CFAP54: variants seen among roughly 807,000 people sequenced by gnomAD.
CFAP54 encodes cilia- and flagella-associated protein 54.
CFAP54 carries 290 observed loss-of-function variants against 370.4 expected under a neutral mutation model. That is an observed-to-expected ratio of 0.78 (90% CI 0.71 to 0.86). CFAP54 has a LOEUF of 0.86. Ranked by LOEUF, CFAP54 falls within the 40% of genes least tolerant of loss-of-function variation. The pLI is 0.00. For missense variants in CFAP54, 3,399 were observed against 3,528.7 expected (o/e 0.96, Z 0.93); for synonymous variants, 1,206 against 1,236.5 (o/e 0.98, Z 0.52).
chr12:96,591,241 G>A (rs1412236007), intron 23 of CFAP54, among the ~76,000 whole-genome samples: 2 of 152,160 alleles, frequency 1.3e-5, no homozygotes, highest in Non-Finnish European at 2.9e-5. Flanking sequence ...AGAGGGTTGA[G>A]TAGAACACAA....
chr12:96,587,742 A>G (rs1956087600), intron 22 of CFAP54, among the ~76,000 whole-genome samples: 1 of 152,186 alleles, frequency 6.6e-6, no homozygotes, highest in South Asian at 2.1e-4. Flanking sequence ...CACATCATCT[A>G]TTGCTTACAC....
In CFAP54 at chr12:96,535,489, C is replaced by A. The variant is rs939952396; in HGVS notation, c.1706-26C>A. 5.6e-6 allele frequency: 8 copies of A among 1,434,820 alleles called. No homozygotes were observed. The Admixed American group carries it at 1.6e-4, about 28-fold the overall frequency. 88.9% of individuals were successfully genotyped at this position (1,434,820 alleles called of 1,614,324 possible). A position where few individuals can be genotyped will look rare whatever the true frequency, so the allele number is the denominator to read the frequency against. The stretch of plus-strand genomic sequence containing the variant: ...AATTTTGTAAGTGATTTTTTTGTTT[C>A]ATTTTCCTCTACTTTATGAACTTAG... On this transcript the variant is annotated intron_variant, in intron 11 of 67. Transcript: ENST00000524981.
chr12:96,678,073 T>G (rs1000827205), intron 39 of CFAP54, among the ~76,000 whole-genome samples: 3 of 152,058 alleles, frequency 2.0e-5, no homozygotes, highest in Admixed American at 1.3e-4. Flanking sequence ...GGCACTGGAC[T>G]TGAACACCGG....
At chr12:96,520,073 G>T (rs1955286868) in intron 6 of CFAP54, among the ~76,000 whole-genome samples, 2 of 152,104 alleles carry the variant, frequency 1.3e-5, no homozygotes. Context: ...TGTTGCCCAG[G>T]CTGGAGTGCA....
In CFAP54 at chr12:96,830,723, G is replaced by C. The variant is rs139803927; in HGVS notation, c.9171+1635G>C. On this transcript the variant is annotated intron_variant, in intron 66 of 67. Transcript: ENST00000524981. ...AGATGGAATCTTGCTCTGTCACCCA[G>C]GCTGGAGTGCAGTGGTGTGATCTTG... 4.9e-3 allele frequency among the ~76,000 whole-genome samples: 741 copies of C among 152,190 alleles called. 4 individuals are homozygous for C. Among genetic ancestry groups the C allele is most frequent in the African/African-American group, 0.017 (700 of 41,514 alleles).
chr12:96,827,047 TTATATGTGATTATATATAATATGCAATTA>T (rs1959124850), intron 65 of CFAP54, among the ~76,000 whole-genome samples: 1 of 139,228 alleles, frequency 7.2e-6, no homozygotes, highest in South Asian at 2.2e-4. Flanking sequence ...TAATATGCAA[TTATATGTGATTATATATAATATGCAATTA>T]TATGTGATTA....
At chr12:96,491,433 T>C (rs751435168) in intron 1 of CFAP54, among the ~76,000 whole-genome samples, 4 of 152,198 alleles carry the variant, frequency 2.6e-5, no homozygotes, top group Non-Finnish European at 5.9e-5. Context: ...AGATGAGATA[T>C]ACATTTGGGA....
chr12:96,577,547 A>G (rs560732804), intron 20 of CFAP54, among the ~76,000 whole-genome samples: 5 of 152,268 alleles, frequency 3.3e-5, no homozygotes, highest in African/African-American at 1.2e-4. Flanking sequence ...TAGAGAGAAC[A>G]TAGGCTTTGG....
At chr12:96,664,991 C>A (rs1957062200) in intron 39 of CFAP54, among the ~76,000 whole-genome samples, 1 of 151,442 alleles carries the variant, frequency 6.6e-6, no homozygotes, top group Non-Finnish European at 1.5e-5. Flanking sequence ...TGTTTTTTTA[C>A]TTTTTACTAG....
chr12:96,786,314 G>A (rs1470782389), intron 61 of CFAP54, among the ~76,000 whole-genome samples: 9 of 151,472 alleles, frequency 5.9e-5, no homozygotes, highest in Admixed American at 4.6e-4. Flanking sequence ...CTGAGTAGCT[G>A]GGATTACAGG....
intron 34 of CFAP54, 34 bp downstream of exon 34, chr12:96,648,051 C>G: frequency 1.4e-6 from 2 of 1,448,048 alleles, no homozygotes; most frequent in East Asian, 5.1e-5. Flanking sequence ...TATTAAATTA[C>G]CTCTAGATTT....
At chr12:96,553,451 G>A (rs1034556210) in intron 15 of CFAP54, among the ~76,000 whole-genome samples, 3 of 149,530 alleles carry the variant, frequency 2.0e-5, no homozygotes, top group Admixed American at 6.7e-5. Flanking sequence ...GCAGAGAAGA[G>A]GAGTGGCACT....
At chr12:96,760,579 C>G (rs984733909) in intron 58 of CFAP54, among the ~76,000 whole-genome samples, 2 of 152,220 alleles carry the variant, frequency 1.3e-5, no homozygotes, top group Non-Finnish European at 2.9e-5. Flanking sequence ...GATGCCTAGA[C>G]TGGAGTGCAG....
intron 46 of CFAP54, 73 bp from the exon 47 acceptor site, chr12:96,704,670 C>T (rs1168002436): frequency 3.8e-6 from 2 of 533,266 alleles, no homozygotes; most frequent in Admixed American, 4.0e-5. Flanking sequence ...AATTTTAGAA[C>T]ACATTAAATG....
At chr12:96,837,688 A>C (rs1278693284) in intron 66 of CFAP54, among the ~76,000 whole-genome samples, 1 of 152,216 alleles carries the variant, frequency 6.6e-6, no homozygotes, top group Non-Finnish European at 1.5e-5. Flanking sequence ...CCTGGGCTGC[A>C]GTTCTAGTCC....
At chr12:96,706,395 G>A (rs4561250) in intron 47 of CFAP54, among the ~76,000 whole-genome samples, 77,399 of 151,722 alleles carry the variant, frequency 0.51, 20,323 homozygotes, top group East Asian at 0.77. Flanking sequence ...AAAGGTGCAA[G>A]TCATATGAAA....
intron 60 of CFAP54, among the ~76,000 whole-genome samples, chr12:96,772,318 G>T (rs190936437): frequency 1.4e-3 from 207 of 152,210 alleles, no homozygotes; most frequent in African/African-American, 4.8e-3. Context: ...GCTAATTCAG[G>T]TGTCACCAGG....
intron 65 of CFAP54, among the ~76,000 whole-genome samples, chr12:96,822,705 A>C (rs1439825323): frequency 1.3e-5 from 2 of 152,118 alleles, no homozygotes; most frequent in African/African-American, 4.8e-5. Context: ...AAATAATCTA[A>C]ATCTTTCCTG....
At chr12:96,746,203 C>G (rs1380394345) in intron 55 of CFAP54, among the ~76,000 whole-genome samples, 1 of 152,130 alleles carries the variant, frequency 6.6e-6, no homozygotes, top group Non-Finnish European at 1.5e-5. Context: ...CTCTCCTTCC[C>G]TCAGTTTGTA....
Sources: allele counts gnomAD v4.1 joint callset (sites outside exome capture counted in the v4.1 genomes callset), GRCh38; gene constraint gnomAD v4.1.1; transcripts MANE v1.5; gene names NCBI Gene and HGNC (gene_info 2026-07-23, HGNC 2026-07-21).